The following CDKAL1 variants were observed in gnomAD, a reference collection of about 807,000 sequenced individuals.
CDKAL1 encodes the protein CDKAL1 threonylcarbamoyladenosine tRNA methylthiotransferase, also known as threonylcarbamoyladenosine tRNA methylthiotransferase.
A neutral mutation model predicts 68.2 loss-of-function variants in CDKAL1; 32 were observed. The observed-to-expected ratio is 0.47, with a 90% CI of 0.35 to 0.63. The LOEUF is 0.63. Among genes scored for constraint, CDKAL1 ranks in the 30% least tolerant of loss-of-function variants. The pLI, the probability that CDKAL1 is intolerant of heterozygous loss-of-function variation, is 0.00. For missense variants in CDKAL1, 606 were observed against 696.7 expected (o/e 0.87, Z 1.47); for synonymous variants, 234 against 244.3 (o/e 0.96, Z 0.39).
intron 4 of CDKAL1, among the ~76,000 whole-genome samples, chr6:20,555,724 A>T (rs1012092203): frequency 5.5e-4 from 77 of 140,706 alleles, no homozygotes; most frequent in Middle Eastern, 4.1e-3. Context: ...CCAGGTTCAC[A>T]CCATTCTCCT....
At chr6:20,579,670 A>C (rs1277811342) in intron 4 of CDKAL1, among the ~76,000 whole-genome samples, 2 of 152,096 alleles carry the variant, frequency 1.3e-5, no homozygotes, top group East Asian at 3.9e-4. Flanking sequence ...CTGGAATTCT[A>C]ACCTGGCTGG....
At position 20,823,214 on chromosome 6, in the gene CDKAL1, T is replaced by G. The variant is rs370155128; in HGVS notation, c.639-22861T>G. On this transcript the variant is annotated intron_variant, in intron 8 of 15. Transcript: ENST00000274695. ...CTCAAGGCCTGTCTAAAATGCTGTC[T>G]CCTTTTTGAAGGCTTTTCTGGTTCC... 5.3e-5 allele frequency among the ~76,000 whole-genome samples: 8 copies of G among 152,312 alleles called. No individual in the cohort carries two copies. In the East Asian group the frequency reaches 1.4e-3, roughly 26 times the overall value.
intron 5 of CDKAL1, among the ~76,000 whole-genome samples, chr6:20,711,453 G>A (rs933522942): frequency 6.6e-6 from 1 of 152,158 alleles, no homozygotes; most frequent in African/African-American, 2.4e-5. Flanking sequence ...TTGGAATCCT[G>A]GCTCAGCTAG....
chr6:20,907,267 T>C (rs1476871432), intron 9 of CDKAL1, among the ~76,000 whole-genome samples: 2 of 151,978 alleles, frequency 1.3e-5, no homozygotes, highest in African/African-American at 2.4e-5. Flanking sequence ...TATAAAAATA[T>C]AAAATTTGGC....
chr6:20,715,590 T>C (rs1772052678), intron 5 of CDKAL1, among the ~76,000 whole-genome samples: 1 of 152,106 alleles, frequency 6.6e-6, no homozygotes, highest in African/African-American at 2.4e-5. Context: ...GATTGCTGGG[T>C]CATATGGTAG....
At chr6:20,832,532 T>C (rs1777761976) in intron 8 of CDKAL1, among the ~76,000 whole-genome samples, 1 of 151,254 alleles carries the variant, frequency 6.6e-6, no homozygotes, top group Admixed American at 6.6e-5. Flanking sequence ...GGTGCAAGCC[T>C]GTATTCCCAG....
At chr6:20,987,262 CTT>C (rs1392710913) in intron 10 of CDKAL1, among the ~76,000 whole-genome samples, 45 of 135,808 alleles carry the variant, frequency 3.3e-4, no homozygotes, top group Admixed American at 3.7e-4. Flanking sequence ...TGTCTGGAAA[CTT>C]TTTTTTTTTT....
At chr6:21,089,935 T>G (rs1460514894) in intron 12 of CDKAL1, among the ~76,000 whole-genome samples, 2 of 152,364 alleles carry the variant, frequency 1.3e-5, no homozygotes, top group Non-Finnish European at 2.9e-5. Context: ...AATAGGAAGT[T>G]ACGTATGAGC....
At position 20,535,333 on chromosome 6, in the gene CDKAL1, T is replaced by C. The variant is rs544832841; in HGVS notation, c.-49-18T>C. 6.6e-6 allele frequency: 1 copy of C among 152,502 alleles called. No homozygotes were observed. The highest frequency in any genetic ancestry group is 1.5e-5 in the Non-Finnish European group (1 of 68,040). The allele number at this position is 152,502 out of a possible 1,614,324, so 9.4% of individuals were successfully genotyped here. A position where few individuals can be genotyped will look rare whatever the true frequency, so the allele number is the denominator to read the frequency against. On this transcript the variant is annotated intron_variant, in intron 1 of 15. Transcript: ENST00000274695. ...CTTTTTGGGTGCTTACTTTTCCTAA[T>C]CAATTTTTATTTTCCAGACTCATCT... is the stretch of plus-strand genomic sequence containing the variant.
chr6:20,931,460 A>G (rs1238145491), intron 9 of CDKAL1, among the ~76,000 whole-genome samples: 1 of 152,178 alleles, frequency 6.6e-6, no homozygotes, highest in Non-Finnish European at 1.5e-5. Flanking sequence ...GAGTTTCGCT[A>G]CTAACAAAAC....
chr6:20,561,446 GAAAAAAA>G (rs55750789), intron 4 of CDKAL1, among the ~76,000 whole-genome samples: 1 of 79,652 alleles, frequency 1.3e-5, no homozygotes, highest in African/African-American at 4.9e-5. Flanking sequence ...TCTCAAAAAA[GAAAAAAA>G]AAAAAAAAAA....
intron 9 of CDKAL1, among the ~76,000 whole-genome samples, chr6:20,861,781 A>G (rs1561839019): frequency 6.6e-6 from 1 of 152,168 alleles, no homozygotes. Context: ...CTGAGCCGCC[A>G]TTGTCAGGAG....
At chr6:20,762,687 G>A (rs563922662) in intron 7 of CDKAL1, among the ~76,000 whole-genome samples, 4 of 152,102 alleles carry the variant, frequency 2.6e-5, no homozygotes, top group Non-Finnish European at 5.9e-5. Context: ...AGACTTTTGA[G>A]GTACACAGAA....
intron 13 of CDKAL1, among the ~76,000 whole-genome samples, chr6:21,166,259 G>C (rs1372408498): frequency 6.6e-6 from 1 of 152,152 alleles, no homozygotes; most frequent in Non-Finnish European, 1.5e-5. Flanking sequence ...ACCAGAAAAT[G>C]AGGTATGACG....
At chr6:21,104,900 A>ATTCCTT (rs1163431908) in intron 12 of CDKAL1, among the ~76,000 whole-genome samples, 2 of 152,242 alleles carry the variant, frequency 1.3e-5, no homozygotes, top group Non-Finnish European at 2.9e-5. Flanking sequence ...ACTTCTGAAT[A>ATTCCTT]TTCCTTTTCC....
intron 13 of CDKAL1, among the ~76,000 whole-genome samples, chr6:21,163,306 T>G (rs1777005658): frequency 6.6e-6 from 1 of 152,166 alleles, no homozygotes; most frequent in Non-Finnish European, 1.5e-5. Context: ...CTTCATTCTC[T>G]CAGTGATGCA....
At chr6:20,999,299 T>C (rs1378428313) in intron 10 of CDKAL1, among the ~76,000 whole-genome samples, 1 of 151,920 alleles carries the variant, frequency 6.6e-6, no homozygotes, top group Non-Finnish European at 1.5e-5. Context: ...CTTTCCTCCC[T>C]CTCTTTCAAA....
At chr6:20,840,948 G>C (rs994808594) in intron 8 of CDKAL1, among the ~76,000 whole-genome samples, 1 of 152,210 alleles carries the variant, frequency 6.6e-6, no homozygotes, top group African/African-American at 2.4e-5. Flanking sequence ...CTAGACCACA[G>C]TATGGCTTTT....
chr6:20,553,369 T>C lies in CDKAL1; in HGVS notation c.286+4664T>C, dbSNP rs1012605997. Reference sequence around the variant, plus strand: ...ACTAAAAATACAAAAATTAGCCAGGTGTGGTGGCACACACCTGTAATCCCA... The same window carrying C: ...ACTAAAAATACAAAAATTAGCCAGGCGTGGTGGCACACACCTGTAATCCCA... On this transcript the variant is annotated intron_variant, in intron 4 of 15. Transcript: ENST00000274695. Among the ~76,000 whole-genome samples the C allele has an allele frequency of 3.3e-5, 5 of 151,820 alleles. No individual in the cohort carries two copies. The East Asian group carries it at 9.8e-4, about 30-fold the overall frequency.
Sources: gnomAD v4.1 joint callset for allele counts (sites outside exome capture counted in the v4.1 genomes callset) on GRCh38, gnomAD v4.1.1 for gene constraint, MANE v1.5 for transcripts, NCBI Gene and HGNC (gene_info 2026-07-23, HGNC 2026-07-21) for gene names.